FAM171A2: variants seen among roughly 807,000 people sequenced by gnomAD.
FAM171A2 encodes family with sequence similarity 171 member A2.
Under a neutral mutation model 34.2 loss-of-function variants are expected in FAM171A2, and 13 were observed. The ratio of observed to expected loss-of-function variants is 0.38; its 90% confidence interval spans 0.25 to 0.60. FAM171A2 has a LOEUF of 0.60. Among genes scored for constraint, FAM171A2 ranks in the 20% least tolerant of loss-of-function variants. The pLI, the probability that FAM171A2 is intolerant of heterozygous loss-of-function variation, is 0.62. For synonymous variants in FAM171A2, 475 were observed against 561.2 expected, an observed-to-expected ratio of 0.85 and a Z score of 2.17; for missense variants, 950 against 1,180.7, an observed-to-expected ratio of 0.80 and a Z score of 2.86.
chr17:44,357,730 C>CATGTGTGTGTGTGT (rs142224027), intron 3 of FAM171A2, among the ~76,000 whole-genome samples: 1 of 143,268 alleles, frequency 7.0e-6, no homozygotes, highest in African/African-American at 2.6e-5. Flanking sequence ...CAGTTTAGGT[C>CATGTGTGTGTGTGT]GTGTGTGTGT....
At position 44,354,503 on chromosome 17, in the gene FAM171A2, C is replaced by T. The variant is rs2048410459; in HGVS notation, c.1711G>A (p.Gly571Ser). The part of the protein sequence containing the change: ...EPAPPEGTAP[G>S]PARAFPQPDP... The stretch of plus-strand genomic sequence containing the variant: ...GGCTGGGGAAAAGCGCGCGCCGGGC[C>T]GGGTGCCGTGCCCTCCGGCGGGGCC... The change falls in exon 8 of 8, where the codon GGC (glycine) becomes AGC (serine). Residue 571 changes from glycine (G) to serine (S), a missense_variant. Coordinates refer to ENST00000293443, the MANE Select transcript of FAM171A2 (RefSeq NM_198475.3). This position sits in a 1 kb window ranked among gnomAD's most constrained non-coding sequence, Gnocchi z 5.8. The T allele has an allele frequency of 9.1e-7, 1 of 1,101,300 alleles. No homozygotes were observed. Among genetic ancestry groups the T allele is most frequent in the South Asian group, 4.3e-5 (1 of 23,176 alleles). 68.2% of individuals were successfully genotyped at this position (1,101,300 alleles called of 1,614,324 possible).
In FAM171A2 at chr17:44,354,262, G is replaced by C; in HGVS notation, c.1952C>G (p.Pro651Arg). Residue 651 changes from proline to arginine, a missense_variant, in exon 8 of 8, where the codon CCG (proline) becomes CGG (arginine). Physicochemically the swap from Pro to Arg is moderately radical, Grantham distance 103. Coordinates refer to ENST00000293443, the MANE Select transcript of FAM171A2 (RefSeq NM_198475.3). The surrounding 1 kb of genome is among the most constrained non-coding windows in gnomAD (Gnocchi z 5.8). ...KLLELGVKPH[P>R]RAWFVSLDGR... ...GTCGAGGGACACGAACCAGGCGCGC[G>C]GGTGCGGCTTCACGCCCAGTTCCAG... The C allele has an allele frequency of 6.9e-7, 1 of 1,458,760 alleles. No individual in the cohort carries two copies. The highest frequency in any genetic ancestry group is 9.1e-7 in the Non-Finnish European group (1 of 1,097,880). The allele number at this position is 1,458,760 out of a possible 1,614,324, so 90.4% of individuals were successfully genotyped here.
At chr17:44,361,400 G>C (rs2048447261) in intron 1 of FAM171A2, among the ~76,000 whole-genome samples, 1 of 152,216 alleles carries the variant, frequency 6.6e-6, no homozygotes, top group African/African-American at 2.4e-5. Flanking sequence ...AATCTAGTGG[G>C]GGTTGGGTAT....
In FAM171A2 at chr17:44,356,533, G is replaced by A; in HGVS notation, c.495C>T (p.Val165=). 1.9e-6 allele frequency: 3 copies of A among 1,549,964 alleles called. No homozygotes were observed. Among genetic ancestry groups the A allele is most frequent in the Non-Finnish European group, 2.6e-6 (3 of 1,146,816 alleles). ...CCCAGAGCTGGCTGTAGGTGGAGCT[G>A]ACAGGCAGGCGGGCAGCCCGGCGCT... is the stretch of plus-strand genomic sequence containing the variant. The part of the protein sequence containing the change: ...QFQRRAARLP[V]SSTYSQLWAS... Residue 165 remains valine (V), a synonymous_variant, in exon 4 of 8, where the codon GTC becomes GTT. Transcript: ENST00000293443.
intron 3 of FAM171A2, 21 bp from the exon 4 acceptor site, chr17:44,356,609 C>T: frequency 6.5e-7 from 1 of 1,527,520 alleles, no homozygotes; most frequent in African/African-American, 1.4e-5. Flanking sequence ...AGAGGGGCTG[C>T]AGTGGCTTGA....
At chr17:44,358,016 C>T (rs1218925075) in intron 3 of FAM171A2, among the ~76,000 whole-genome samples, 1 of 152,196 alleles carries the variant, frequency 6.6e-6, no homozygotes, top group Non-Finnish European at 1.5e-5. Flanking sequence ...CATCGGGCTC[C>T]AGGCCCATCC....
At chr17:44,358,475 C>T (rs542588359) in intron 3 of FAM171A2, among the ~76,000 whole-genome samples, 1 of 152,116 alleles carries the variant, frequency 6.6e-6, no homozygotes, top group Admixed American at 6.6e-5. Flanking sequence ...GGTGGATCAC[C>T]TGAGGTCAGG....
intron 3 of FAM171A2, among the ~76,000 whole-genome samples, chr17:44,357,730 C>CGTGTGT (rs141824631): frequency 0.032 from 4,601 of 143,352 alleles, 260 homozygotes; most frequent in African/African-American, 0.11. Context: ...CAGTTTAGGT[C>CGTGTGT]GTGTGTGTGT....
intron 1 of FAM171A2, among the ~76,000 whole-genome samples, chr17:44,361,549 C>T (rs2048447915): frequency 6.6e-6 from 1 of 152,158 alleles, no homozygotes; most frequent in Non-Finnish European, 1.5e-5. Context: ...TCCCAATCCG[C>T]AGCCAGCGCC....
intron 1 of FAM171A2, among the ~76,000 whole-genome samples, chr17:44,361,561 C>T (rs756813086): frequency 3.9e-5 from 6 of 152,246 alleles, no homozygotes; most frequent in Non-Finnish European, 7.4e-5. Context: ...GCCAGCGCCA[C>T]GCCTGCCCTA....
At chr17:44,357,431 G>A (rs2048429423) in intron 3 of FAM171A2, among the ~76,000 whole-genome samples, 1 of 151,284 alleles carries the variant, frequency 6.6e-6, no homozygotes, top group Non-Finnish European at 1.5e-5. Context: ...GGTGGATCAC[G>A]AGGTCAGGAG....
chr17:44,355,052 C>G lies in FAM171A2; in HGVS notation c.1162G>C (p.Gly388Arg). Residue 388 changes from glycine to arginine, a missense_variant, in exon 8 of 8, where the codon GGG becomes CGG. This residue lies in a region of FAM171A2 where 752 missense variants were observed against 924.5 expected (regional missense o/e 0.81). Transcript: ENST00000293443. This position sits in a 1 kb window ranked among gnomAD's most constrained non-coding sequence, Gnocchi z 4.1. ...CCTGGAGGCGGAGCCTCGGGGTCCC[C>G]CGACGGGGCGGGTTCCAGGGGTCCC... ...CGGPLEPAPSGDPEAPPPGPL... is the reference protein window; with the variant it reads ...CGGPLEPAPSRDPEAPPPGPL... 2 of 1,544,266 alleles carry G rather than the reference C, an allele frequency of 1.3e-6. No individual in the cohort carries two copies. The highest frequency in any genetic ancestry group is 1.7e-6 in the Non-Finnish European group (2 of 1,144,248).
chr17:44,355,068 C>T lies in FAM171A2; in HGVS notation c.1146G>A (p.Leu382=). 6.5e-7 allele frequency: 1 copy of T among 1,549,006 alleles called. No homozygotes were observed. Among genetic ancestry groups the T allele is most frequent in the Non-Finnish European group, 8.7e-7 (1 of 1,146,218 alleles). Reference sequence around the variant, plus strand: ...CGGGGTCCCCCGACGGGGCGGGTTCCAGGGGTCCCCCACAGATGAGGTGGA... The same window carrying T: ...CGGGGTCCCCCGACGGGGCGGGTTCTAGGGGTCCCCCACAGATGAGGTGGA... ...SQLHLICGGP[L]EPAPSGDPEA... is the part of the protein sequence containing the mutation. Residue 382 remains leucine (L), a synonymous_variant, in exon 8 of 8, where the codon CTG becomes CTA. Transcript: ENST00000293443. This position sits in a 1 kb window ranked among gnomAD's most constrained non-coding sequence, Gnocchi z 4.1.
Position 44,356,549 on chromosome 17 carries a change from G to T in FAM171A2, c.479C>A (p.Ala160Asp). 1.3e-6 allele frequency: 2 copies of T among 1,548,390 alleles called. No homozygotes were observed. Among genetic ancestry groups the T allele is most frequent in the South Asian group, 1.2e-5 (1 of 83,906 alleles). The change falls in exon 4 of 8, where the codon GCT becomes GAT. Residue 160 changes from alanine (A) to aspartate (D), a missense_variant. This residue lies in a region of FAM171A2 where 752 missense variants were observed against 924.5 expected (regional missense o/e 0.81). Transcript: ENST00000293443. ...GGTGGAGCTGACAGGCAGGCGGGCAGCCCGGCGCTGGAACTGCACCAAGGG... is the reference window on the plus strand; with the variant it reads ...GGTGGAGCTGACAGGCAGGCGGGCATCCCGGCGCTGGAACTGCACCAAGGG... ...SQPLVQFQRRAARLPVSSTYS... is the reference protein window; with the variant it reads ...SQPLVQFQRRDARLPVSSTYS...
At chr17:44,362,257 C>T (rs1024838712) in intron 1 of FAM171A2, among the ~76,000 whole-genome samples, 1 of 152,062 alleles carries the variant, frequency 6.6e-6, no homozygotes, top group Non-Finnish European at 1.5e-5. Flanking sequence ...AGGGGAGGGG[C>T]GTCCTAAGAA....
chr17:44,357,509 C>G (rs950550258), intron 3 of FAM171A2, among the ~76,000 whole-genome samples: 1 of 149,236 alleles, frequency 6.7e-6, no homozygotes. Context: ...TAGCCAGGTG[C>G]GGTGGCAGGC....
intron 1 of FAM171A2, among the ~76,000 whole-genome samples, chr17:44,361,562 G>A (rs937382575): frequency 6.6e-6 from 1 of 152,210 alleles, no homozygotes; most frequent in African/African-American, 2.4e-5. Flanking sequence ...CCAGCGCCAC[G>A]CCTGCCCTAG....
Position 44,353,692 on chromosome 17 carries a change from GGGCCCGCGCGGGAGGGGCGGTGCCA to G in FAM171A2, c.*16_*40del. 7.9e-7 allele frequency: 1 copy of G among 1,259,306 alleles called. No homozygotes were observed. The highest frequency in any genetic ancestry group is 1.6e-5 in the African/African-American group (1 of 62,846). 78.0% of individuals were successfully genotyped at this position (1,259,306 alleles called of 1,614,324 possible). On this transcript the variant is annotated 3_prime_UTR_variant, in exon 8 of 8. Transcript: ENST00000293443. ...CCCCCGGGGCGCGCACCCTGGGTGC[GGGCCCGCGCGGGAGGGGCGGTGCCA>G]GGCCCTGCGCGGGCGCTACTTGACG...
At position 44,354,846 on chromosome 17, in the gene FAM171A2, G is replaced by A; in HGVS notation, c.1368C>T (p.Gly456=). 3 of 1,285,936 alleles carry A rather than the reference G, an allele frequency of 2.3e-6. No homozygotes were observed. Among genetic ancestry groups the A allele is most frequent in the East Asian group, 3.2e-5 (1 of 31,226 alleles). The allele number at this position is 1,285,936 out of a possible 1,614,324, so 79.7% of individuals were successfully genotyped here. A position where few individuals can be genotyped will look rare whatever the true frequency, so the allele number is the denominator to read the frequency against. The change falls in exon 8 of 8, where the codon GGC becomes GGT. Residue 456 remains glycine (G), a synonymous_variant. Transcript: ENST00000293443. The surrounding 1 kb of genome is among the most constrained non-coding windows in gnomAD (Gnocchi z 5.8). ...AGGGCCCCCGCCGGTGCTCCTCTAG[G>A]CCGGGCTCCAGCCCGCCGGGGCCCT... is the stretch of plus-strand genomic sequence containing the variant. The part of the protein sequence containing the change: ...SAEGPGGLEP[G]LEEHRRGPSG...
Sources: gnomAD v4.1 joint callset for allele counts (sites outside exome capture counted in the v4.1 genomes callset) on GRCh38, gnomAD v4.1.1 for gene constraint, gnomAD v4.1.1 regional missense constraint, Gnocchi (gnomAD v3.1) non-coding constraint, MANE v1.5 for transcripts, NCBI Gene and HGNC (gene_info 2026-07-23, HGNC 2026-07-21) for gene names.